Variants in GALNT17 observed in about 807,000 individuals in gnomAD.
GALNT17 encodes UDP-GalNAc:polypeptide N-acetylgalactosaminyltransferase-like 3.
A neutral mutation model predicts 63.7 loss-of-function variants in GALNT17; 29 were observed. The ratio of observed to expected loss-of-function variants is 0.46; its 90% CI spans 0.34 to 0.62. The LOEUF (loss-of-function observed/expected upper bound fraction) is 0.62. GALNT17 is among the 20% of genes least tolerant of loss of function. The probability of loss-of-function intolerance (pLI) is 0.01; values close to 1 mark genes in which losing one functional copy is unlikely to be tolerated. For synonymous variants in GALNT17, 305 were observed against 318.3 expected (o/e 0.96, Z 0.45); for missense variants, 603 against 799.6 (o/e 0.75, Z 2.97).
intron 1 of GALNT17, among the ~76,000 whole-genome samples, chr7:71,211,848 C>T (rs987010768): frequency 4.6e-5 from 7 of 152,140 alleles, no homozygotes; most frequent in Admixed American, 2.0e-4. Context: ...CAGTATCTGG[C>T]GGAAGAAATT....
chr7:71,166,744 A>T (rs1203482924), intron 1 of GALNT17, among the ~76,000 whole-genome samples: 1 of 152,090 alleles, frequency 6.6e-6, no homozygotes, highest in Non-Finnish European at 1.5e-5. Flanking sequence ...GTTGAGGGCC[A>T]TGTGTATTGT....
At chr7:71,450,342 C>T (rs1331433986) in intron 5 of GALNT17, among the ~76,000 whole-genome samples, 5 of 151,892 alleles carry the variant, frequency 3.3e-5, no homozygotes, top group African/African-American at 1.2e-4. Context: ...GCCATGTTGG[C>T]CAGGCTGGTC....
intron 5 of GALNT17, among the ~76,000 whole-genome samples, chr7:71,482,854 G>T (rs1583991658): frequency 6.6e-6 from 1 of 152,150 alleles, no homozygotes; most frequent in Admixed American, 6.5e-5. Flanking sequence ...GAAGGAGCAT[G>T]CACCCTAGAT....
chr7:71,544,295 C>CTT (rs1261052110), intron 5 of GALNT17, among the ~76,000 whole-genome samples: 2 of 108,910 alleles, frequency 1.8e-5, no homozygotes, highest in Non-Finnish European at 1.9e-5. Flanking sequence ...CCACGCCCGG[C>CTT]TATTTTTTTT....
At chr7:71,671,921 T>A (rs2117058139) in intron 8 of GALNT17, among the ~76,000 whole-genome samples, 1 of 151,432 alleles carries the variant, frequency 6.6e-6, no homozygotes, top group East Asian at 2.0e-4. Flanking sequence ...TCCCAGCTAC[T>A]CGGGGCTGAG....
At chr7:71,706,943 G>T (rs1223794436) in intron 9 of GALNT17, among the ~76,000 whole-genome samples, 3 of 152,148 alleles carry the variant, frequency 2.0e-5, no homozygotes, top group Non-Finnish European at 4.4e-5. Context: ...TCTGGGAGGG[G>T]GCTCTTCTGC....
chr7:71,420,856 T>C, intron 4 of GALNT17, 52 bp from the exon 5 acceptor site: 2 of 1,596,432 alleles, frequency 1.3e-6, no homozygotes, highest in South Asian at 1.1e-5. Context: ...TCTTGGGAGG[T>C]GTGCCTCACG....
intron 4 of GALNT17, among the ~76,000 whole-genome samples, chr7:71,420,013 A>G (rs1786632191): frequency 6.6e-6 from 1 of 152,210 alleles, no homozygotes; most frequent in Non-Finnish European, 1.5e-5. Flanking sequence ...ATGCAGAGGA[A>G]TGGGATTTTC....
At chr7:71,375,273 C>T (rs1482616949) in intron 2 of GALNT17, among the ~76,000 whole-genome samples, 5 of 152,188 alleles carry the variant, frequency 3.3e-5, no homozygotes, top group Admixed American at 1.3e-4. Flanking sequence ...CCAATTTGGG[C>T]AGAACAGTAA....
intron 6 of GALNT17, among the ~76,000 whole-genome samples, chr7:71,600,499 C>T (rs1789951276): frequency 6.6e-6 from 1 of 152,038 alleles, no homozygotes; most frequent in Admixed American, 6.5e-5. Flanking sequence ...GGTACCGTGC[C>T]CAGTGGTCTG....
chr7:71,417,547 T>C (rs750952141), intron 4 of GALNT17, among the ~76,000 whole-genome samples: 10 of 152,134 alleles, frequency 6.6e-5, no homozygotes, highest in South Asian at 2.1e-4. Context: ...TGAGAACTTG[T>C]CGGAAATGCA....
At chr7:71,340,382 T>C (rs1348909181) in intron 2 of GALNT17, among the ~76,000 whole-genome samples, 3 of 152,190 alleles carry the variant, frequency 2.0e-5, no homozygotes, top group Non-Finnish European at 2.9e-5. Flanking sequence ...CTAGTCTCTA[T>C]TACTCCTGTA....
At chr7:71,296,619 A>C (rs1791084309) in intron 1 of GALNT17, among the ~76,000 whole-genome samples, 1 of 118,432 alleles carries the variant, frequency 8.4e-6, no homozygotes. Flanking sequence ...CCATCTAAAA[A>C]AAAAAACAAC....
chr7:71,600,398 T>TG (rs5884847), intron 6 of GALNT17, among the ~76,000 whole-genome samples: 79,752 of 151,714 alleles, frequency 0.53, 23,293 homozygotes, highest in African/African-American at 0.79. Flanking sequence ...GAGGGTACAT[T>TG]GGGAGGATCA....
intron 1 of GALNT17, among the ~76,000 whole-genome samples, chr7:71,325,946 C>T (rs909340109): frequency 6.6e-6 from 1 of 152,160 alleles, no homozygotes; most frequent in Admixed American, 6.5e-5. Flanking sequence ...CACCTGCCAA[C>T]GTATATTTAA....
intron 3 of GALNT17, among the ~76,000 whole-genome samples, chr7:71,415,159 G>A (rs562461895): frequency 1.4e-3 from 208 of 152,168 alleles, no homozygotes; most frequent in African/African-American, 4.7e-3. Context: ...GCACAACACT[G>A]CACTCAGCCA....
At chr7:71,505,977 T>A (rs1473272592) in intron 5 of GALNT17, among the ~76,000 whole-genome samples, 1 of 151,598 alleles carries the variant, frequency 6.6e-6, no homozygotes, top group Non-Finnish European at 1.5e-5. Flanking sequence ...TCTCTCTTTC[T>A]CTGCCTCTTG....
chr7:71,559,159 G>T (rs528510515), intron 5 of GALNT17, among the ~76,000 whole-genome samples: 2 of 152,272 alleles, frequency 1.3e-5, no homozygotes, highest in Non-Finnish European at 2.9e-5. Context: ...GTTTTAAAAG[G>T]CAGCCGACTT....
intron 1 of GALNT17, among the ~76,000 whole-genome samples, chr7:71,187,795 G>A (rs1788879010): frequency 6.6e-6 from 1 of 152,090 alleles, no homozygotes; most frequent in Non-Finnish European, 1.5e-5. Flanking sequence ...GGTTCCATGA[G>A]TAAATTCCTT....
Sources: gnomAD v4.1 joint callset for allele counts (sites outside exome capture counted in the v4.1 genomes callset) on GRCh38, gnomAD v4.1.1 for gene constraint, MANE v1.5 for transcripts, NCBI Gene and HGNC (gene_info 2026-07-23, HGNC 2026-07-21) for gene names.